Variants in DMD observed in about 807,000 individuals in gnomAD.
DMD encodes dystrophin.
DMD carries 63 observed loss-of-function variants against 330.1 expected under a neutral mutation model. That is an observed-to-expected ratio of 0.19 (90% CI 0.16 to 0.24). The LOEUF (loss-of-function observed/expected upper bound fraction) is 0.24, where lower values mean the gene tolerates loss of function less well. Ranked by LOEUF, DMD falls within the 10% of genes least tolerant of loss-of-function variation. The pLI is 1.00. For synonymous variants in DMD, 1,223 were observed against 959.8 expected (o/e 1.27, Z -5.07); for missense variants, 3,344 against 2,684.1 (o/e 1.25, Z -5.43).
chrX:32,721,114 ACT>A (rs754007543), intron 7 of DMD, among the ~76,000 whole-genome samples: 1 of 110,971 alleles, frequency 9.0e-6, no homozygotes, highest in Admixed American at 9.6e-5. Flanking sequence ...GTCAGTGGAC[ACT>A]CAGGTTATTT....
At chrX:33,193,892 C>A (rs2050785347) in intron 1 of DMD, among the ~76,000 whole-genome samples, 1 of 111,018 alleles carries the variant, frequency 9.0e-6, no homozygotes, top group African/African-American at 3.3e-5. Flanking sequence ...ATTCAAAACA[C>A]ATTTATAAAA....
intron 38 of DMD, among the ~76,000 whole-genome samples, 172 bp downstream of exon 38, chrX:32,348,234 T>C (rs1370751256): frequency 9.0e-6 from 1 of 111,564 alleles, no homozygotes; most frequent in African/African-American, 3.2e-5. Context: ...CATACCATAG[T>C]AATTCAGCAT....
chrX:31,721,747 TC>T (rs2085577589), intron 52 of DMD, among the ~76,000 whole-genome samples: 1 of 82,430 alleles, frequency 1.2e-5, no homozygotes, highest in Non-Finnish European at 2.2e-5. Flanking sequence ...TATATATATC[TC>T]CTAATTATTA....
At chrX:31,649,908 A>C (rs1301020645) in intron 54 of DMD, among the ~76,000 whole-genome samples, 1 of 110,688 alleles carries the variant, frequency 9.0e-6, no homozygotes, top group Admixed American at 9.7e-5. Context: ...TAGGGTATTC[A>C]AAATTGAGAG....
chrX:33,316,300 A>G (rs749108931), intron 1 of DMD, among the ~76,000 whole-genome samples: 2 of 111,069 alleles, frequency 1.8e-5, no homozygotes, highest in Non-Finnish European at 3.8e-5. Flanking sequence ...ATTAATGTAA[A>G]ATTGAACTAG....
At chrX:31,508,796 C>G (rs1266360861) in intron 55 of DMD, among the ~76,000 whole-genome samples, 1 of 110,707 alleles carries the variant, frequency 9.0e-6, no homozygotes, top group Admixed American at 9.6e-5. Flanking sequence ...TTTTCTCTCT[C>G]TCTCTCAAAT....
At chrX:32,741,355 AAT>A (rs2069241460) in intron 7 of DMD, among the ~76,000 whole-genome samples, 1 of 111,494 alleles carries the variant, frequency 9.0e-6, no homozygotes, top group Non-Finnish European at 1.9e-5. Flanking sequence ...ACACATCTGC[AAT>A]ATATTTTTTC....
chrX:33,264,382 C>A (rs889500664), intron 1 of DMD, among the ~76,000 whole-genome samples: 42 of 111,537 alleles, frequency 3.8e-4, no homozygotes, highest in African/African-American at 1.4e-3. Context: ...GTGTTCTAAT[C>A]TCTGTAAGCC....
chrX:31,754,133 A>C (rs935812683), intron 51 of DMD, among the ~76,000 whole-genome samples: 1 of 111,761 alleles, frequency 8.9e-6, no homozygotes, highest in Non-Finnish European at 1.9e-5. Flanking sequence ...ATTTAAAATA[A>C]AATTTTATAC....
intron 44 of DMD, among the ~76,000 whole-genome samples, chrX:32,032,064 G>A (rs1034383913): frequency 1.8e-5 from 2 of 111,102 alleles, no homozygotes; most frequent in African/African-American, 6.5e-5. Context: ...ACATATTTTT[G>A]GGGGGGATTA....
intron 44 of DMD, among the ~76,000 whole-genome samples, chrX:32,197,282 C>T (rs2097010457): frequency 9.0e-6 from 1 of 111,034 alleles, no homozygotes; most frequent in Admixed American, 9.6e-5. Flanking sequence ...ACGGGGTATC[C>T]ATCCCTTCAA....
intron 45 of DMD, among the ~76,000 whole-genome samples, chrX:31,946,041 C>T (rs1332449124): frequency 1.8e-5 from 2 of 111,954 alleles, no homozygotes; most frequent in Admixed American, 9.5e-5. Flanking sequence ...TCTCAAAGGG[C>T]TTAACTGAAT....
chrX:32,536,394 C>A (rs963487988), intron 17 of DMD, among the ~76,000 whole-genome samples: 2 of 109,983 alleles, frequency 1.8e-5, no homozygotes, highest in Non-Finnish European at 3.8e-5. Context: ...AGAAAGGTAT[C>A]TAAAGAGAAT....
intron 2 of DMD, among the ~76,000 whole-genome samples, chrX:32,880,515 C>T (rs770257946): frequency 9.0e-6 from 1 of 111,585 alleles, no homozygotes; most frequent in South Asian, 3.8e-4. Flanking sequence ...CCATGCATAC[C>T]CCCGTGGTAG....
At chrX:32,591,933 C>T (rs1285387828) in intron 13 of DMD, among the ~76,000 whole-genome samples, 3 of 112,739 alleles carry the variant, frequency 2.7e-5, no homozygotes, top group South Asian at 3.7e-4. Context: ...CAGGTGTTGT[C>T]GCAACCTGAC....
intron 17 of DMD, among the ~76,000 whole-genome samples, chrX:32,544,231 G>C (rs2048753674): frequency 1.8e-5 from 2 of 111,152 alleles, no homozygotes; most frequent in Admixed American, 1.9e-4. Flanking sequence ...AGTTAATAGA[G>C]AAGTACTAAA....
chrX:32,579,135 A>T (rs1171001394), intron 13 of DMD, among the ~76,000 whole-genome samples: 1 of 111,587 alleles, frequency 9.0e-6, no homozygotes, highest in East Asian at 2.8e-4. Flanking sequence ...CTTGGTTCTC[A>T]GTTTTACACA....
chrX:31,406,389 A>G lies in DMD; in HGVS notation c.9084+38092T>C, dbSNP rs1372447841. On this transcript the variant is annotated intron_variant, in intron 60 of 78. Coordinates refer to ENST00000357033, the MANE Select transcript of DMD (RefSeq NM_004006.3). ...TCACATGTACCGTCAAACCTAAAAT[A>G]AAAGCTAAAAAAAGAAAATACAACT... 2.7e-5 allele frequency among the ~76,000 whole-genome samples: 3 copies of G among 111,172 alleles called. No homozygotes were observed. In the Admixed American group the frequency reaches 2.9e-4, roughly 11 times the overall value.
chrX:32,722,015 T>C (rs1203653863), intron 7 of DMD, among the ~76,000 whole-genome samples: 2 of 110,712 alleles, frequency 1.8e-5, no homozygotes, highest in South Asian at 7.6e-4. Context: ...CATCAGTTTA[T>C]GTGTCTGTTT....
Sources: gnomAD v4.1 joint callset for allele counts (sites outside exome capture counted in the v4.1 genomes callset) on GRCh38, gnomAD v4.1.1 for gene constraint, MANE v1.5 for transcripts, NCBI Gene and HGNC (gene_info 2026-07-23, HGNC 2026-07-21) for gene names.